The following ARHGAP39 variants were observed in gnomAD, a reference collection of about 807,000 sequenced individuals.
ARHGAP39 encodes Rho GTPase activating protein 39.
Under a neutral mutation model 106.9 loss-of-function variants are expected in ARHGAP39, and 44 were observed. The ratio of observed to expected loss-of-function variants is 0.41; its 90% CI spans 0.32 to 0.53. The LOEUF is 0.53. Ranked by LOEUF, ARHGAP39 falls within the 20% of genes least tolerant of loss-of-function variation. The pLI is 0.21. For missense variants in ARHGAP39, 1,496 were observed against 1,577.3 expected (o/e 0.95, Z 0.87); for synonymous variants, 768 against 693.2 (o/e 1.11, Z -1.69).
At chr8:144,669,426 G>A (rs1278193896) in intron 1 of ARHGAP39, among the ~76,000 whole-genome samples, 2 of 137,760 alleles carry the variant, frequency 1.5e-5, no homozygotes, top group Admixed American at 7.6e-5. Context: ...AGAATAGCGT[G>A]AACCCAGGAG....
Position 144,548,049 on chromosome 8 carries a change from T to C in ARHGAP39, c.1037A>G (p.Gln346Arg). 1 of 1,599,522 alleles carries C rather than the reference T, an allele frequency of 6.3e-7. No individual in the cohort carries two copies. Among genetic ancestry groups the C allele is most frequent in the Non-Finnish European group, 8.5e-7 (1 of 1,174,366 alleles). ...AGGGYQAGSP[Q>R]RSPGRKPRPF... ...CCGGGGCTTACGGCCCGGCGACCGC[T>C]GGGGAGAGCCGGCCTGGTAGCCCCC... Residue 346 changes from glutamine (Q) to arginine (R), a missense_variant, in exon 5 of 12, where the codon CAG (glutamine) becomes CGG (arginine). Gln to Arg is a conservative substitution (Grantham distance 43, BLOSUM62 1). Around this residue, in one of 4 missense-constraint regions of ARHGAP39, gnomAD observed 905 missense variants for 816.4 expected, o/e 1.11. Transcript: ENST00000377307. The surrounding 1 kb of genome is among the most constrained non-coding windows in gnomAD (Gnocchi z 7.4).
At chr8:144,692,407 A>C in the ARHGAP39 span, among the ~76,000 whole-genome samples, 5 of 152,314 alleles carry the variant, frequency 3.3e-5, no homozygotes, top group East Asian at 9.6e-4. Flanking sequence ...GTGCACCCAC[A>C]ATCATCTGGT....
intron 1 of ARHGAP39, among the ~76,000 whole-genome samples, chr8:144,660,931 G>T (rs1240583024): frequency 6.6e-6 from 1 of 152,108 alleles, no homozygotes; most frequent in Non-Finnish European, 1.5e-5. Flanking sequence ...TTTGCAGTGA[G>T]CTGAGATTGT....
chr8:144,569,129 T>C (rs1366521641), intron 3 of ARHGAP39, among the ~76,000 whole-genome samples: 2 of 152,194 alleles, frequency 1.3e-5, no homozygotes, highest in African/African-American at 4.8e-5. Flanking sequence ...AGAGATACCA[T>C]GCTAACATGA....
chr8:144,530,730 A>C lies in ARHGAP39; in HGVS notation c.3122T>G (p.Val1041Gly). Residue 1041 changes from valine to glycine, a missense_variant, in exon 11 of 12, where the codon GTG becomes GGG. Val to Gly is a moderately radical substitution (Grantham distance 109, BLOSUM62 -3). Transcript: ENST00000377307. ...VHALPRINRM[V>G]LCYLIRFLQV... ...CAGGAAGCGGATGAGGTAGCACAGC[A>C]CCATGCGGTTGATGCGGGGCAGCGC... is the stretch of plus-strand genomic sequence containing the variant. The C allele has an allele frequency of 6.2e-7, 1 of 1,608,932 alleles. No homozygotes were observed. Among genetic ancestry groups the C allele is most frequent in the Non-Finnish European group, 8.5e-7 (1 of 1,178,124 alleles).
chr8:144,601,792 C>G (rs1819973755), intron 2 of ARHGAP39, among the ~76,000 whole-genome samples: 2 of 124,760 alleles, frequency 1.6e-5, no homozygotes, highest in African/African-American at 6.4e-5. Context: ...TGCGTGTGTG[C>G]TAATGTACCT....
intron 1 of ARHGAP39, among the ~76,000 whole-genome samples, chr8:144,642,392 CAGG>C (rs1249777561): frequency 1.3e-5 from 2 of 152,044 alleles, no homozygotes; most frequent in Non-Finnish European, 2.9e-5. Context: ...GAGGCTGAGG[CAGG>C]AGAATTGCTT....
chr8:144,621,097 G>A (rs994884089), intron 1 of ARHGAP39, among the ~76,000 whole-genome samples: 3 of 152,252 alleles, frequency 2.0e-5, no homozygotes, highest in Non-Finnish European at 4.4e-5. Context: ...CCCATCACAG[G>A]GTGGCCCAAG....
intron 3 of ARHGAP39, among the ~76,000 whole-genome samples, chr8:144,569,644 T>C (rs1187565299): frequency 6.6e-6 from 1 of 151,824 alleles, no homozygotes. Flanking sequence ...CAGAGACAGG[T>C]GGGAGGGGAA....
chr8:144,613,128 T>C (rs1172403339), intron 1 of ARHGAP39, among the ~76,000 whole-genome samples: 1 of 152,268 alleles, frequency 6.6e-6, no homozygotes, highest in East Asian at 1.9e-4. Context: ...ACTTCAAATA[T>C]ATGCATTTAC....
At chr8:144,552,154 T>G (rs1453946493) in intron 4 of ARHGAP39, among the ~76,000 whole-genome samples, 2 of 152,216 alleles carry the variant, frequency 1.3e-5, no homozygotes, top group Non-Finnish European at 2.9e-5. Context: ...TCGTGGCCTC[T>G]GAAAATGCTG....
chr8:144,587,236 T>C (rs568788059), intron 2 of ARHGAP39, among the ~76,000 whole-genome samples: 2 of 152,316 alleles, frequency 1.3e-5, no homozygotes, highest in South Asian at 4.1e-4. Flanking sequence ...AACAGGCTAA[T>C]ACAGGCATCA....
At position 144,548,104 on chromosome 8, in the gene ARHGAP39, G is replaced by C. The variant is rs1217566854; in HGVS notation, c.982C>G (p.Pro328Ala). ...VEYQAPIYDE[P>A]PMDVQFEAGG... ...GCCTCGAATTGCACGTCCATGGGGG[G>C]CTCATCGTAGATGGGGGCCTGGTAC... The change falls in exon 5 of 12, where the codon CCC (proline) becomes GCC (alanine). Residue 328 changes from proline to alanine, a missense_variant. Pro to Ala is a conservative substitution (Grantham distance 27). Coordinates refer to ENST00000377307, the MANE Select transcript of ARHGAP39 (RefSeq NM_025251.3). The surrounding 1 kb of genome is among the most constrained non-coding windows in gnomAD (Gnocchi z 7.4). 5 of 1,587,180 alleles carry C rather than the reference G, an allele frequency of 3.2e-6. No individual in the cohort carries two copies. The highest frequency in any genetic ancestry group is 4.3e-6 in the Non-Finnish European group (5 of 1,167,100).
intron 3 of ARHGAP39, among the ~76,000 whole-genome samples, chr8:144,569,528 A>G (rs1326663308): frequency 6.6e-6 from 1 of 152,234 alleles, no homozygotes; most frequent in Admixed American, 6.5e-5. Flanking sequence ...CAGACAAAAA[A>G]GAGTGCATAC....
At chr8:144,635,298 G>A (rs114576561) in intron 1 of ARHGAP39, among the ~76,000 whole-genome samples, 387 of 152,290 alleles carry the variant, frequency 2.5e-3, no homozygotes, top group African/African-American at 8.5e-3. Context: ...GGTCACCAAC[G>A]GTTTAAGCAA....
chr8:144,573,493 A>T (rs933360997), intron 3 of ARHGAP39, among the ~76,000 whole-genome samples: 1 of 152,174 alleles, frequency 6.6e-6, no homozygotes, highest in African/African-American at 2.4e-5. Flanking sequence ...CGTTAGGAGA[A>T]ATACCTAATG....
intron 1 of ARHGAP39, among the ~76,000 whole-genome samples, chr8:144,620,184 A>G (rs1402236760): frequency 2.2e-5 from 3 of 139,350 alleles, no homozygotes; most frequent in Non-Finnish European, 4.6e-5. Flanking sequence ...TGTCCCTGAG[A>G]GAGCGTGTGT....
intron 1 of ARHGAP39, among the ~76,000 whole-genome samples, chr8:144,685,244 CAG>C (rs1211354886): frequency 2.1e-5 from 3 of 143,146 alleles, no homozygotes; most frequent in African/African-American, 7.6e-5. Context: ...CCACCGTGGA[CAG>C]GGGCACACTC....
At position 144,547,903 on chromosome 8, in the gene ARHGAP39, C is replaced by G. The variant is rs758524323; in HGVS notation, c.1183G>C (p.Val395Leu). 9 of 1,584,228 alleles carry G rather than the reference C, an allele frequency of 5.7e-6. No homozygotes were observed. Among genetic ancestry groups the G allele is most frequent in the South Asian group, 3.4e-5 (3 of 87,892 alleles). Residue 395 changes from valine to leucine, a missense_variant, in exon 5 of 12, where the codon GTG (valine) becomes CTG (leucine). This residue lies in a region of ARHGAP39 where 905 missense variants were observed against 816.4 expected (regional missense o/e 1.11). Coordinates refer to ENST00000377307, the MANE Select transcript of ARHGAP39 (RefSeq NM_025251.3). The surrounding 1 kb of genome is among the most constrained non-coding windows in gnomAD (Gnocchi z 5.2). Reference sequence around the variant, plus strand: ...TGCTCCACGTAGACCAGCTGCCGCACGTACTCCTTGCCGGCGGGACTGTAC... The same window carrying G: ...TGCTCCACGTAGACCAGCTGCCGCAGGTACTCCTTGCCGGCGGGACTGTAC... ...LEYSPAGKEYVRQLVYVEQAG... is the reference protein window; with the variant it reads ...LEYSPAGKEYLRQLVYVEQAG...
Sources: allele counts gnomAD v4.1 joint callset (sites outside exome capture counted in the v4.1 genomes callset), GRCh38; gene constraint gnomAD v4.1.1; regional missense constraint gnomAD v4.1.1; non-coding constraint Gnocchi (gnomAD v3.1); transcripts MANE v1.5; gene names NCBI Gene and HGNC (gene_info 2026-07-23, HGNC 2026-07-21).